Variants in HADHB observed in about 807,000 individuals in gnomAD.
HADHB encodes the protein hydroxyacyl-CoA dehydrogenase trifunctional multienzyme complex subunit beta.
A neutral mutation model predicts 61.9 loss-of-function variants in HADHB; 50 were observed. The ratio of observed to expected loss-of-function variants is 0.81; its 90% CI spans 0.64 to 1.02. The LOEUF (loss-of-function observed/expected upper bound fraction) is 1.02, where lower values mean the gene tolerates loss of function less well. HADHB is among the 50% of genes least tolerant of loss of function. The pLI is 0.00. For missense variants in HADHB, 504 were observed against 586.5 expected (o/e 0.86, Z 1.45); for synonymous variants, 191 against 201.6 (o/e 0.95, Z 0.45).
At chr2:26,286,163 A>C (rs1347966393) in intron 15 of HADHB, among the ~76,000 whole-genome samples, 1 of 152,216 alleles carries the variant, frequency 6.6e-6, no homozygotes, top group Non-Finnish European at 1.5e-5. Flanking sequence ...TATGAAAAGT[A>C]TATAGAAAAA....
In HADHB at chr2:26,278,704, A is replaced by G. The variant is rs984371001; in HGVS notation, c.533A>G (p.Lys178Arg). ...GATGTCCCTATTCGTCACTCAAGGA[A>G]AATGAGAAAACTGATGCTTGATCTC... Reference protein sequence around the residue: ...MSDVPIRHSRKMRKLMLDLNK... With the variant: ...MSDVPIRHSRRMRKLMLDLNK... The change falls in exon 8 of 16, where the codon AAA becomes AGA. Residue 178 changes from lysine (K) to arginine (R), a missense_variant. Physicochemically the swap from Lys to Arg is conservative, Grantham distance 26. Coordinates refer to ENST00000317799, the MANE Select transcript of HADHB (RefSeq NM_000183.3). The G allele has an allele frequency of 6.2e-7, 1 of 1,614,100 alleles. No individual in the cohort carries two copies. Among genetic ancestry groups the G allele is most frequent in the South Asian group, 1.1e-5 (1 of 91,078 alleles).
chr2:26,253,745 C>A (rs1229630818), intron 1 of HADHB, among the ~76,000 whole-genome samples: 1 of 151,654 alleles, frequency 6.6e-6, no homozygotes, highest in Admixed American at 6.6e-5. Flanking sequence ...CCCAGCTACT[C>A]GGGAGGCTGA....
chr2:26,285,888 C>T (rs1277171286), intron 15 of HADHB, among the ~76,000 whole-genome samples: 2 of 151,538 alleles, frequency 1.3e-5, no homozygotes, highest in African/African-American at 2.4e-5. Context: ...CAGGTGTGCA[C>T]CACCATGTCC....
chr2:26,280,073 C>T lies in HADHB; in HGVS notation c.891C>T (p.Ile297=), dbSNP rs56902571. ...TGGCCAAACTAAAACCTGCATTCAT[C>T]AAGCCCTACGGCACAGTGACAGCTG... The part of the protein sequence containing the change: ...EQMAKLKPAF[I]KPYGTVTAAN... The change falls in exon 10 of 16, where the codon ATC becomes ATT. Residue 297 remains isoleucine (I), a synonymous_variant. Coordinates refer to ENST00000317799, the MANE Select transcript of HADHB (RefSeq NM_000183.3). The T allele has an allele frequency of 1.5e-3, 2,433 of 1,611,934 alleles. 20 individuals are homozygous for T. The African/African-American group carries it at 0.021, about 14-fold the overall frequency.
intron 3 of HADHB, among the ~76,000 whole-genome samples, chr2:26,259,153 G>C (rs1254458900): frequency 6.6e-6 from 1 of 152,128 alleles, no homozygotes; most frequent in Non-Finnish European, 1.5e-5. Flanking sequence ...CATTTTCAAG[G>C]GTTCTGTCGT....
chr2:26,263,015 G>A (rs1185173049), intron 3 of HADHB, among the ~76,000 whole-genome samples: 3 of 152,000 alleles, frequency 2.0e-5, no homozygotes, highest in Admixed American at 2.0e-4. Flanking sequence ...AAATGTAAAA[G>A]TAGGCCAGGC....
rs951942754 is a variant in HADHB, at chr2:26,254,477, A to G, written c.109+3A>G. 1.9e-6 allele frequency: 3 copies of G among 1,551,788 alleles called. No individual in the cohort carries two copies. Among genetic ancestry groups the G allele is most frequent in the Non-Finnish European group, 2.7e-6 (3 of 1,123,146 alleles). On this transcript the variant is annotated splice_donor_region_variant and intron_variant, in intron 3 of 15. Transcript: ENST00000317799. ...CTCCCAGCTACGAGCTGCCCCAGGT[A>G]CAGTAATTTGTAAAATAAATATTTC...
At chr2:26,246,810 C>T (rs1226679801) in intron 1 of HADHB, among the ~76,000 whole-genome samples, 4 of 152,076 alleles carry the variant, frequency 2.6e-5, no homozygotes, top group Admixed American at 2.0e-4. Context: ...TTCTTTGATC[C>T]CTAAGCACTT....
At chr2:26,278,104 C>A (rs531366757) in intron 7 of HADHB, among the ~76,000 whole-genome samples, 1 of 152,150 alleles carries the variant, frequency 6.6e-6, no homozygotes, top group Non-Finnish European at 1.5e-5. Context: ...TCATGTGTGG[C>A]GGGGAATGAT....
chr2:26,259,318 C>T (rs1298231228), intron 3 of HADHB, among the ~76,000 whole-genome samples: 1 of 152,160 alleles, frequency 6.6e-6, no homozygotes, highest in Non-Finnish European at 1.5e-5. Context: ...GTGCAGCAGC[C>T]CTGAGAAGCT....
intron 3 of HADHB, among the ~76,000 whole-genome samples, chr2:26,258,346 G>T (rs1474397240): frequency 2.0e-5 from 3 of 152,196 alleles, no homozygotes; most frequent in African/African-American, 7.2e-5. Flanking sequence ...GGAACCTTGG[G>T]CCATGCAGTG....
intron 4 of HADHB, among the ~76,000 whole-genome samples, chr2:26,265,834 G>C (rs915972323): frequency 1.3e-5 from 2 of 152,110 alleles, no homozygotes; most frequent in African/African-American, 4.8e-5. Flanking sequence ...TGTAAGAAAT[G>C]ATAGTGAATA....
chr2:26,249,057 CAA>C (rs112282659), intron 1 of HADHB, among the ~76,000 whole-genome samples: 1 of 136,748 alleles, frequency 7.3e-6, no homozygotes. Flanking sequence ...GACTTTGTCT[CAA>C]AAAAAAAAAG....
intron 6 of HADHB, among the ~76,000 whole-genome samples, chr2:26,275,225 A>C (rs1017411167): frequency 1.3e-5 from 2 of 151,908 alleles, no homozygotes; most frequent in Non-Finnish European, 2.9e-5. Flanking sequence ...TAATAATGTT[A>C]ATATACAGTC....
Position 26,289,067 on chromosome 2 carries a change from G to A in HADHB, c.1390-851G>A, listed in dbSNP as rs533761550. Among the ~76,000 whole-genome samples, 13 of 152,042 alleles carry A rather than the reference G, an allele frequency of 8.6e-5. 1 individual carries two copies. The highest frequency in any genetic ancestry group is 2.4e-4 in the African/African-American group (10 of 41,468). On this transcript the variant is annotated intron_variant, in intron 15 of 15. Transcript: ENST00000317799. Reference sequence around the variant, plus strand: ...ATATCGAGACCATCCTGGCTAACACGGTGAAACCCCATCTCTACTAAAAAT... The same window carrying A: ...ATATCGAGACCATCCTGGCTAACACAGTGAAACCCCATCTCTACTAAAAAT...
rs1672683730 is a variant in HADHB, at chr2:26,279,202, C to G, written c.698C>G (p.Ala233Gly). Residue 233 changes from alanine (A) to glycine (G), a missense_variant, in exon 9 of 16, where the codon GCC (alanine) becomes GGC (glycine). Ala to Gly is a moderately conservative substitution (Grantham distance 60). Coordinates refer to ENST00000317799, the MANE Select transcript of HADHB (RefSeq NM_000183.3). ...CACTCTGCAGACCGACTGGCCGCTG[C>G]CTTTGCTGTTTCTCGGCTGGAACAG... Reference protein sequence around the residue: ...MGHSADRLAAAFAVSRLEQDE... With the variant: ...MGHSADRLAAGFAVSRLEQDE... The G allele has an allele frequency of 6.2e-7, 1 of 1,613,540 alleles. No individual in the cohort carries two copies. The highest frequency in any genetic ancestry group is 1.3e-5 in the African/African-American group (1 of 74,886).
chr2:26,286,726 G>A lies in HADHB; in HGVS notation c.1389+1155G>A, dbSNP rs1009049071. ...TCACCGTATTGGCCAGGCCGGTCTC[G>A]AACTCCTGACCTCAGGTGATCCGCC... On this transcript the variant is annotated intron_variant, in intron 15 of 15. Transcript: ENST00000317799. Among the ~76,000 whole-genome samples the A allele has an allele frequency of 5.3e-5, 8 of 150,178 alleles. No individual in the cohort carries two copies. The East Asian group carries it at 1.2e-3, about 23-fold the overall frequency.
intron 10 of HADHB, among the ~76,000 whole-genome samples, chr2:26,280,355 G>A (rs938717929): frequency 1.3e-5 from 2 of 152,034 alleles, no homozygotes; most frequent in African/African-American, 4.8e-5. Context: ...CACTTAACCA[G>A]TCAAAAACTT....
At position 26,279,161 on chromosome 2, in the gene HADHB, C is replaced by T. The variant is rs748403986; in HGVS notation, c.657C>T (p.Thr219=). Reference sequence around the variant, plus strand: ...TCCCTGCGGTTTCTGAGTTCTCCACCAGTGAGACCATGGGCCACTCTGCAG... The same window carrying T: ...TCCCTGCGGTTTCTGAGTTCTCCACTAGTGAGACCATGGGCCACTCTGCAG... ...PELPAVSEFS[T]SETMGHSADR... Residue 219 remains threonine, a synonymous_variant, in exon 9 of 16, where the codon ACC becomes ACT. Coordinates refer to ENST00000317799, the MANE Select transcript of HADHB (RefSeq NM_000183.3). 1.2e-6 allele frequency: 2 copies of T among 1,613,898 alleles called. No individual in the cohort carries two copies. The highest frequency in any genetic ancestry group is 2.2e-5 in the East Asian group (1 of 44,894).
Sources: gnomAD v4.1 joint callset for allele counts (sites outside exome capture counted in the v4.1 genomes callset) on GRCh38, gnomAD v4.1.1 for gene constraint, MANE v1.5 for transcripts, NCBI Gene and HGNC (gene_info 2026-07-23, HGNC 2026-07-21) for gene names.